GLCE: variants seen among roughly 807,000 people sequenced by gnomAD.
GLCE encodes D-glucuronyl C5-epimerase.
GLCE carries 19 observed loss-of-function variants against 47.9 expected under a neutral mutation model. The observed-to-expected ratio is 0.40, with a 90% confidence interval of 0.28 to 0.58. The LOEUF is 0.58. Ranked by LOEUF, GLCE falls within the 20% of genes least tolerant of loss-of-function variation. The pLI, the probability that GLCE is intolerant of heterozygous loss-of-function variation, is 0.48. For missense variants in GLCE, 556 were observed against 743.3 expected, an observed-to-expected ratio of 0.75 and a Z score of 2.93; for synonymous variants, 245 against 263.4, an observed-to-expected ratio of 0.93 and a Z score of 0.68.
intron 2 of GLCE, among the ~76,000 whole-genome samples, chr15:69,211,680 A>T (rs1191766742): frequency 6.6e-6 from 1 of 152,012 alleles, no homozygotes; most frequent in African/African-American, 2.4e-5. Flanking sequence ...TATAAGTTAG[A>T]ATTTCCAACC....
At chr15:69,172,171 AAG>A (rs1163397948) in intron 1 of GLCE, among the ~76,000 whole-genome samples, 4 of 152,200 alleles carry the variant, frequency 2.6e-5, no homozygotes, top group Admixed American at 2.6e-4. Flanking sequence ...TTATGTATAA[AAG>A]AGTATTTTGG....
intron 2 of GLCE, among the ~76,000 whole-genome samples, chr15:69,217,881 C>T (rs2052326953): frequency 1.3e-5 from 2 of 152,130 alleles, no homozygotes; most frequent in Admixed American, 6.5e-5. Flanking sequence ...GCAGGCCAGG[C>T]GCGGTGGCTC....
intron 1 of GLCE, among the ~76,000 whole-genome samples, chr15:69,175,648 G>T (rs1595736422): frequency 6.6e-6 from 1 of 152,178 alleles, no homozygotes. Context: ...ATACCCAGTG[G>T]GTGTTCCAGA....
rs375636790 is a variant in GLCE at position 69,255,878 on chromosome 15, A to C, written c.72A>C (p.Thr24=). 1.2e-6 allele frequency: 2 copies of C among 1,613,958 alleles called. No individual in the cohort carries two copies. Among genetic ancestry groups the C allele is most frequent in the African/African-American group, 2.7e-5 (2 of 74,900 alleles). The change falls in exon 3 of 5, where the codon ACA becomes ACC. Residue 24 remains threonine (T), a synonymous_variant. Transcript: ENST00000261858. ...TCTGCGCACTCTTCACTTTGGTCAC[A>C]GTACTTTTGTGGAATAAGTGTTCCA... ...IIICALFTLV[T]VLLWNKCSSD... is the part of the protein sequence containing the mutation.
chr15:69,236,916 C>A (rs1441699801), intron 2 of GLCE, among the ~76,000 whole-genome samples: 2 of 152,142 alleles, frequency 1.3e-5, no homozygotes, highest in Non-Finnish European at 2.9e-5. Flanking sequence ...CTCAAAACTG[C>A]TGCTAGTCTC....
At chr15:69,161,998 G>A (rs1303246451) in intron 1 of GLCE, among the ~76,000 whole-genome samples, 1 of 152,196 alleles carries the variant, frequency 6.6e-6, no homozygotes, top group Non-Finnish European at 1.5e-5. Flanking sequence ...CTGAGTGAAT[G>A]TTAGGCAGAG....
At chr15:69,267,560 T>C (rs913373585) in intron 4 of GLCE, among the ~76,000 whole-genome samples, 2 of 152,214 alleles carry the variant, frequency 1.3e-5, no homozygotes. Flanking sequence ...AAATCTATCA[T>C]TTTCAAAATC....
chr15:69,264,056 A>G (rs1023955868), intron 4 of GLCE, among the ~76,000 whole-genome samples: 2 of 152,152 alleles, frequency 1.3e-5, no homozygotes, highest in African/African-American at 2.4e-5. Context: ...CATTTCAGGC[A>G]TACAATACAG....
chr15:69,223,499 A>T (rs954896002), intron 2 of GLCE, among the ~76,000 whole-genome samples: 4 of 152,060 alleles, frequency 2.6e-5, no homozygotes, highest in Non-Finnish European at 4.4e-5. Flanking sequence ...TGATTTTAAG[A>T]TCCTCACTTT....
intron 1 of GLCE, among the ~76,000 whole-genome samples, chr15:69,193,317 A>G (rs1040280405): frequency 6.6e-6 from 1 of 152,036 alleles, no homozygotes; most frequent in African/African-American, 2.4e-5. Context: ...CCTCTATTTT[A>G]TCCAATTTCT....
intron 1 of GLCE, among the ~76,000 whole-genome samples, chr15:69,179,120 C>G (rs960419324): frequency 2.0e-5 from 3 of 152,050 alleles, no homozygotes; most frequent in Non-Finnish European, 4.4e-5. Flanking sequence ...ATAGACTTTT[C>G]TAGAAGGATA....
chr15:69,269,098 G>A lies in GLCE; in HGVS notation c.1708G>A (p.Ala570Thr), dbSNP rs746581109. Residue 570 changes from alanine to threonine, a missense_variant, in exon 5 of 5, where the codon GCT (alanine) becomes ACT (threonine). Transcript: ENST00000261858. ...YDLRHFMLGI[A>T]PNLARWDYHT... Reference sequence around the variant, plus strand: ...CCTCCGTCACTTCATGCTTGGCATCGCTCCTAACCTGGCTCGCTGGGACTA... The same window carrying A: ...CCTCCGTCACTTCATGCTTGGCATCACTCCTAACCTGGCTCGCTGGGACTA... The A allele has an allele frequency of 2.2e-5, 35 of 1,613,954 alleles. No homozygotes were observed. The highest frequency in any genetic ancestry group is 2.2e-5 in the East Asian group (1 of 44,882).
At chr15:69,213,938 T>C (rs28830772) in intron 2 of GLCE, among the ~76,000 whole-genome samples, 13,031 of 152,192 alleles carry the variant, frequency 0.086, 785 homozygotes, top group East Asian at 0.19. Flanking sequence ...TCTGTTGTTA[T>C]TTATTTTGTT....
intron 1 of GLCE, among the ~76,000 whole-genome samples, chr15:69,168,546 T>C (rs2051538788): frequency 6.6e-6 from 1 of 152,042 alleles, no homozygotes; most frequent in Admixed American, 6.6e-5. Flanking sequence ...CTTTTTTTTT[T>C]TTTTGAGACG....
At chr15:69,265,766 G>A (rs938284298) in intron 4 of GLCE, among the ~76,000 whole-genome samples, 1 of 152,110 alleles carries the variant, frequency 6.6e-6, no homozygotes, top group African/African-American at 2.4e-5. Context: ...ATTCTGGGAG[G>A]AAATGGGTAC....
intron 3 of GLCE, 141 bp from the exon 4 acceptor site, chr15:69,260,946 A>G: frequency 1.4e-6 from 1 of 691,970 alleles, no homozygotes; most frequent in Non-Finnish European, 2.4e-6. Flanking sequence ...TCTGGTCATT[A>G]TGAGAGCAGT....
chr15:69,192,120 A>G (rs1271695473), intron 1 of GLCE, among the ~76,000 whole-genome samples: 2 of 152,018 alleles, frequency 1.3e-5, no homozygotes, highest in Non-Finnish European at 2.9e-5. Context: ...CAAAGTGGAA[A>G]TTTCTGTAGC....
chr15:69,205,990 C>T (rs2052146678), intron 1 of GLCE, among the ~76,000 whole-genome samples: 1 of 152,028 alleles, frequency 6.6e-6, no homozygotes, highest in African/African-American at 2.4e-5. Flanking sequence ...GCCTTACTAC[C>T]AACCAAACTC....
intron 1 of GLCE, among the ~76,000 whole-genome samples, chr15:69,170,771 T>C (rs1339028616): frequency 6.6e-6 from 1 of 152,206 alleles, no homozygotes; most frequent in Non-Finnish European, 1.5e-5. Context: ...TGGCGGTAAT[T>C]TTCTGTAAGA....
Sources: allele counts gnomAD v4.1 joint callset (sites outside exome capture counted in the v4.1 genomes callset), GRCh38; gene constraint gnomAD v4.1.1; transcripts MANE v1.5; gene names NCBI Gene and HGNC (gene_info 2026-07-23, HGNC 2026-07-21).